The following CALN1 variants were observed in gnomAD, a reference collection of about 807,000 sequenced individuals.
CALN1 encodes the protein calneuron 1.
Under a neutral mutation model 30.6 loss-of-function variants are expected in CALN1, and 17 were observed. That is an observed-to-expected ratio of 0.56 (90% confidence interval 0.38 to 0.83). The LOEUF is 0.83. CALN1 is among the 40% of genes least tolerant of loss of function. The probability of loss-of-function intolerance (pLI) is 0.00; values close to 1 mark genes in which losing one functional copy is unlikely to be tolerated. For synonymous variants in CALN1, 156 were observed against 131.4 expected, an observed-to-expected ratio of 1.19 and a Z score of -1.28; for missense variants, 291 against 354.9, an observed-to-expected ratio of 0.82 and a Z score of 1.45.
chr7:71,814,767 C>T (rs1788159992), intron 5 of CALN1, among the ~76,000 whole-genome samples: 1 of 152,094 alleles, frequency 6.6e-6, no homozygotes. Flanking sequence ...TTTTCTTCTC[C>T]CTAGATTACT....
intron 6 of CALN1, among the ~76,000 whole-genome samples, chr7:71,791,504 A>C (rs71551223): frequency 0.017 from 2,514 of 152,292 alleles, 34 homozygotes; most frequent in Non-Finnish European, 0.029. Context: ...GAATGATCAG[A>C]ACACATGGAT....
At chr7:72,086,926 A>T (rs1313344011) in intron 4 of CALN1, among the ~76,000 whole-genome samples, 2 of 152,204 alleles carry the variant, frequency 1.3e-5, no homozygotes, top group African/African-American at 2.4e-5. Flanking sequence ...AAAAGACCTG[A>T]CTTCATCATG....
intron 2 of CALN1, among the ~76,000 whole-genome samples, chr7:72,299,532 G>A (rs1187895843): frequency 2.6e-5 from 4 of 151,740 alleles, no homozygotes; most frequent in East Asian, 1.9e-4. Flanking sequence ...CATTATAAAC[G>A]ATATAAATAA....
chr7:72,342,949 C>A (rs1204126947), intron 2 of CALN1, among the ~76,000 whole-genome samples: 1 of 152,120 alleles, frequency 6.6e-6, no homozygotes, highest in Non-Finnish European at 1.5e-5. Flanking sequence ...AAATTCTTTA[C>A]AACACACATT....
intron 2 of CALN1, among the ~76,000 whole-genome samples, chr7:72,336,546 G>C (rs1802052122): frequency 6.6e-6 from 1 of 152,146 alleles, no homozygotes; most frequent in African/African-American, 2.4e-5. Context: ...GGAGCCAACA[G>C]GTACGGGAGG....
At chr7:71,978,325 G>A (rs1562951535) in intron 5 of CALN1, among the ~76,000 whole-genome samples, 4 of 142,864 alleles carry the variant, frequency 2.8e-5, no homozygotes, top group Admixed American at 2.2e-4. Context: ...AGGCTGGAGG[G>A]CAATGGCGCT....
chr7:72,147,485 G>GTGGAGAAATAGGAACAATT (rs1786849775), intron 3 of CALN1, among the ~76,000 whole-genome samples: 1 of 88,818 alleles, frequency 1.1e-5, no homozygotes, highest in Non-Finnish European at 2.7e-5. Flanking sequence ...GGAGAGGACT[G>GTGGAGAAATAGGAACAATT]TTACACTGTT....
At chr7:71,882,526 C>A (rs116547030) in intron 5 of CALN1, among the ~76,000 whole-genome samples, 1 of 152,162 alleles carries the variant, frequency 6.6e-6, no homozygotes, top group African/African-American at 2.4e-5. Flanking sequence ...TGAATACCTG[C>A]GTTAGCACTG....
intron 2 of CALN1, among the ~76,000 whole-genome samples, chr7:72,396,631 T>C (rs1424056664): frequency 2.6e-5 from 4 of 152,030 alleles, no homozygotes; most frequent in African/African-American, 9.7e-5. Context: ...TCTACTATAA[T>C]GGGCAGAGAG....
intron 5 of CALN1, among the ~76,000 whole-genome samples, chr7:71,994,723 T>C (rs1584703819): frequency 6.6e-6 from 1 of 152,174 alleles, no homozygotes; most frequent in African/African-American, 2.4e-5. Context: ...GCCAGTTCTG[T>C]GCTGAAATGC....
intron 3 of CALN1, among the ~76,000 whole-genome samples, chr7:72,254,268 A>T (rs945085945): frequency 3.3e-5 from 5 of 152,212 alleles, no homozygotes; most frequent in Non-Finnish European, 2.9e-5. Flanking sequence ...ACAATTTTAT[A>T]GCTGCCTTCT....
At chr7:71,958,811 C>T (rs1005270764) in intron 5 of CALN1, among the ~76,000 whole-genome samples, 1 of 152,166 alleles carries the variant, frequency 6.6e-6, no homozygotes. Flanking sequence ...GCAGCTCCTC[C>T]TGCACTGTGA....
intron 2 of CALN1, among the ~76,000 whole-genome samples, chr7:72,302,554 A>G (rs1799348626): frequency 6.6e-6 from 1 of 152,140 alleles, no homozygotes; most frequent in African/African-American, 2.4e-5. Context: ...TCGGAGGTGC[A>G]GGCATTCCAG....
intron 4 of CALN1, among the ~76,000 whole-genome samples, chr7:72,039,817 C>T (rs1171970344): frequency 6.6e-6 from 1 of 152,150 alleles, no homozygotes; most frequent in Non-Finnish European, 1.5e-5. Context: ...TCTGGGGCAA[C>T]ATTAGCACTC....
chr7:72,179,565 AAT>A (rs945009810), intron 3 of CALN1, among the ~76,000 whole-genome samples: 5 of 151,882 alleles, frequency 3.3e-5, no homozygotes, highest in South Asian at 2.1e-4. Flanking sequence ...GAAAATAATA[AAT>A]ATATATATAT....
the CALN1 span, among the ~76,000 whole-genome samples, chr7:72,461,453 C>T: frequency 6.6e-6 from 1 of 152,184 alleles, no homozygotes; most frequent in Non-Finnish European, 1.5e-5. Flanking sequence ...GGTATAAATA[C>T]ACCATGGAAT....
intron 6 of CALN1, among the ~76,000 whole-genome samples, chr7:71,790,451 G>A (rs574704069): frequency 6.6e-6 from 1 of 152,294 alleles, no homozygotes; most frequent in African/African-American, 2.4e-5. Context: ...GGGCTTTGAT[G>A]AAGTGCATCA....
At chr7:72,486,932 T>C in the CALN1 span, among the ~76,000 whole-genome samples, 5 of 152,240 alleles carry the variant, frequency 3.3e-5, no homozygotes, top group African/African-American at 1.2e-4. Context: ...ACATTTATTT[T>C]GCTTCCATAC....
chr7:72,332,457 C>T (rs1352345034), intron 2 of CALN1, among the ~76,000 whole-genome samples: 1 of 151,896 alleles, frequency 6.6e-6, no homozygotes, highest in African/African-American at 2.4e-5. Flanking sequence ...TGCTTCCACC[C>T]CAGCCCTGTT....
Sources: gnomAD v4.1 joint callset for allele counts (sites outside exome capture counted in the v4.1 genomes callset) on GRCh38, gnomAD v4.1.1 for gene constraint, MANE v1.5 for transcripts, NCBI Gene and HGNC (gene_info 2026-07-23, HGNC 2026-07-21) for gene names.